ATAD2B: variants seen among roughly 807,000 people sequenced by gnomAD.
The protein encoded by ATAD2B is ATPase family AAA domain-containing protein 2B.
Under a neutral mutation model 167.6 loss-of-function variants are expected in ATAD2B, and 40 were observed. That is an observed-to-expected ratio of 0.24 (90% confidence interval 0.19 to 0.31). The LOEUF is 0.31. Ranked by LOEUF, ATAD2B falls within the 10% of genes least tolerant of loss-of-function variation. The pLI is 1.00. For missense variants in ATAD2B, 1,242 were observed against 1,757.2 expected (o/e 0.71, Z 5.24); for synonymous variants, 579 against 596.5 (o/e 0.97, Z 0.43).
At chr2:23,817,948 A>G (rs954775721) in intron 17 of ATAD2B, among the ~76,000 whole-genome samples, 4 of 152,308 alleles carry the variant, frequency 2.6e-5, no homozygotes, top group African/African-American at 9.6e-5. Flanking sequence ...TTCTAATATC[A>G]AAATCTATTT....
chr2:23,704,258 T>G, the ATAD2B span, among the ~76,000 whole-genome samples: 1 of 152,214 alleles, frequency 6.6e-6, no homozygotes, highest in Non-Finnish European at 1.5e-5. Context: ...GGGAATGCTC[T>G]GAGGACATGA....
chr2:23,915,532 G>T (rs1702912934), intron 1 of ATAD2B, among the ~76,000 whole-genome samples: 1 of 147,322 alleles, frequency 6.8e-6, no homozygotes, highest in Non-Finnish European at 1.5e-5. Flanking sequence ...TCCCTGCTCA[G>T]CCTCTTGAGT....
chr2:23,756,141 C>G (rs1333586150), intron 25 of ATAD2B, among the ~76,000 whole-genome samples: 3 of 152,274 alleles, frequency 2.0e-5, no homozygotes, highest in Admixed American at 2.0e-4. Flanking sequence ...TCCTTCTCCA[C>G]TTTTCCCATG....
chr2:23,907,774 C>G (rs1232783097), intron 1 of ATAD2B, among the ~76,000 whole-genome samples: 1 of 152,182 alleles, frequency 6.6e-6, no homozygotes, highest in Non-Finnish European at 1.5e-5. Context: ...CAGCATGGTA[C>G]TGGTACCAAA....
intron 1 of ATAD2B, among the ~76,000 whole-genome samples, chr2:23,904,706 T>A (rs548689166): frequency 6.6e-6 from 1 of 152,238 alleles, no homozygotes; most frequent in East Asian, 1.9e-4. Flanking sequence ...CCAAGTTAGA[T>A]CAGAAAATGT....
chr2:23,788,062 T>G (rs968616886), intron 20 of ATAD2B: 28 of 155,510 alleles, frequency 1.8e-4, no homozygotes, highest in Admixed American at 1.7e-3. Context: ...AATAAGTATT[T>G]GAAAAGTCAA....
At chr2:23,684,290 G>C in the ATAD2B span, 3 of 791,616 alleles carry the variant, frequency 3.8e-6, no homozygotes, top group Non-Finnish European at 5.4e-6. The surrounding 1 kb of genome is among the most constrained non-coding windows in gnomAD (Gnocchi z 4.4). Flanking sequence ...ACAATATCAA[G>C]TATTTCCTAT....
rs200597606 is a variant in ATAD2B, at chr2:23,875,548, AAAGCAT to A, written c.977+275_977+280del. On this transcript the variant is annotated intron_variant, in intron 8 of 27. Coordinates refer to ENST00000238789, the MANE Select transcript of ATAD2B (RefSeq NM_017552.4). ...CTTCCTTTGTACCTACATGTAAAAG[AAAGCAT>A]AATTAGGGGGAAAAATATCACAGAT... 5.3e-3 allele frequency among the ~76,000 whole-genome samples: 807 copies of A among 152,230 alleles called. 3 individuals carry two copies. Among genetic ancestry groups the A allele is most frequent in the Middle Eastern group, 0.01 (3 of 294 alleles).
chr2:23,852,318 T>C (rs897753878), intron 13 of ATAD2B, among the ~76,000 whole-genome samples: 3 of 151,494 alleles, frequency 2.0e-5, no homozygotes, highest in African/African-American at 7.3e-5. Flanking sequence ...AGAGACAGGG[T>C]CTCACTATGT....
intron 14 of ATAD2B, chr2:23,832,263 CTTAAAAACTAT>C (rs1374853379): frequency 2.1e-6 from 1 of 467,226 alleles, no homozygotes; most frequent in South Asian, 1.6e-5. Context: ...GTCTCGGGAC[CTTAAAAACTAT>C]TTAAGGGAAA....
rs1419351895 is a variant in ATAD2B at position 23,867,875 on chromosome 2, G to A, written c.1148C>T (p.Ala383Val). Residue 383 changes from alanine to valine, a missense_variant, in exon 10 of 28, where the codon GCA (alanine) becomes GTA (valine). By Grantham distance (64) the Ala-to-Val change is moderately conservative. Coordinates refer to ENST00000238789, the MANE Select transcript of ATAD2B (RefSeq NM_017552.4). The part of the protein sequence containing the change: ...GILRERVKVG[A>V]SLADVDPMNI... Reference sequence around the variant, plus strand: ...CATTGGATCAACATCAGCCAAGCTTGCACCCACTTTCACTCGTTCTCGGAG... The same window carrying A: ...CATTGGATCAACATCAGCCAAGCTTACACCCACTTTCACTCGTTCTCGGAG... 1 of 1,613,504 alleles carries A rather than the reference G, an allele frequency of 6.2e-7. No homozygotes were observed.
At chr2:23,886,833 A>G (rs1698733132) in intron 4 of ATAD2B, among the ~76,000 whole-genome samples, 5 of 151,720 alleles carry the variant, frequency 3.3e-5, no homozygotes, top group African/African-American at 7.3e-5. Context: ...TGGGAGGCTG[A>G]GGCATGAGAA....
chr2:23,717,029 T>C, the ATAD2B span, among the ~76,000 whole-genome samples: 5 of 152,172 alleles, frequency 3.3e-5, no homozygotes, highest in African/African-American at 9.7e-5. Context: ...CCACACAGTG[T>C]TTTTAATCAT....
At chr2:23,886,008 G>A (rs940258353) in intron 4 of ATAD2B, among the ~76,000 whole-genome samples, 179 bp from the exon 5 acceptor site, 1 of 152,008 alleles carries the variant, frequency 6.6e-6, no homozygotes, top group Non-Finnish European at 1.5e-5. Flanking sequence ...GCAGTGGCCT[G>A]TTCATGGCTC....
the ATAD2B span, among the ~76,000 whole-genome samples, chr2:23,728,303 A>C: frequency 6.6e-6 from 1 of 152,212 alleles, no homozygotes; most frequent in Non-Finnish European, 1.5e-5. Flanking sequence ...GTATAAACAA[A>C]GAGGGGAAAT....
chr2:23,912,476 C>G (rs114655742), intron 1 of ATAD2B, among the ~76,000 whole-genome samples: 5,860 of 151,520 alleles, frequency 0.039, 112 homozygotes, highest in Admixed American at 0.046. Context: ...CACTGTACTC[C>G]AGCTTGAGTG....
At position 23,926,724 on chromosome 2, in the gene ATAD2B, G is replaced by A; in HGVS notation, c.47C>T (p.Ser16Phe). The part of the protein sequence containing the change: ...KSSLRLLGSK[S>F]PGPGPGPGAG... Reference sequence around the variant, plus strand: ...CCCAGGCCCAGGCCCGGGACCAGGAGACTTGGACCCGAGAAGGCGGAGAGA... The same window carrying A: ...CCCAGGCCCAGGCCCGGGACCAGGAAACTTGGACCCGAGAAGGCGGAGAGA... The change falls in exon 1 of 28, where the codon TCT becomes TTT. Residue 16 changes from serine to phenylalanine, a missense_variant. By Grantham distance (155) the Ser-to-Phe change is radical. Coordinates refer to ENST00000238789, the MANE Select transcript of ATAD2B (RefSeq NM_017552.4). The A allele has an allele frequency of 6.5e-7, 1 of 1,549,168 alleles. No homozygotes were observed. The highest frequency in any genetic ancestry group is 8.7e-7 in the Non-Finnish European group (1 of 1,146,664).
At chr2:23,753,486 G>A (rs1052314873) in intron 27 of ATAD2B, among the ~76,000 whole-genome samples, 2 of 152,016 alleles carry the variant, frequency 1.3e-5, no homozygotes, top group Admixed American at 1.3e-4. Flanking sequence ...CCATTTTGTG[G>A]GTAGATGAGT....
intron 1 of ATAD2B, among the ~76,000 whole-genome samples, chr2:23,921,103 G>A (rs1327960615): frequency 1.3e-5 from 2 of 150,640 alleles, no homozygotes; most frequent in Non-Finnish European, 1.5e-5. Flanking sequence ...CTACTTGGGA[G>A]GCTGAGGCAG....
Sources: gnomAD v4.1 joint callset for allele counts (sites outside exome capture counted in the v4.1 genomes callset) on GRCh38, gnomAD v4.1.1 for gene constraint, Gnocchi (gnomAD v3.1) non-coding constraint, MANE v1.5 for transcripts, NCBI Gene and HGNC (gene_info 2026-07-23, HGNC 2026-07-21) for gene names.